Variants in ECE1 observed in about 807,000 individuals in gnomAD.
ECE1 encodes endothelin-converting enzyme 1.
A neutral mutation model predicts 98.6 loss-of-function variants in ECE1; 35 were observed. That is an observed-to-expected ratio of 0.35 (90% CI 0.27 to 0.47). The LOEUF (loss-of-function observed/expected upper bound fraction) is 0.47, where lower values mean the gene tolerates loss of function less well. Among genes scored for constraint, ECE1 ranks in the 20% least tolerant of loss-of-function variants. The probability of loss-of-function intolerance (pLI) is 1.00; values close to 1 mark genes in which losing one functional copy is unlikely to be tolerated. For missense variants in ECE1, 814 were observed against 1,025.3 expected, an observed-to-expected ratio of 0.79 and a Z score of 2.81; for synonymous variants, 394 against 407.1, an observed-to-expected ratio of 0.97 and a Z score of 0.39.
chr1:21,312,150 T>G (rs1338299308), intron 1 of ECE1, among the ~76,000 whole-genome samples: 3 of 147,394 alleles, frequency 2.0e-5, no homozygotes, highest in African/African-American at 7.6e-5. Flanking sequence ...AATTTTTTTT[T>G]TAATTAGTCT....
At position 21,245,017 on chromosome 1, in the gene ECE1, A is replaced by G; in HGVS notation, c.1250T>C (p.Phe417Ser). Residue 417 changes from phenylalanine (F) to serine (S), a missense_variant, in exon 10 of 19, where the codon TTC (phenylalanine) becomes TCC (serine). By Grantham distance (155) the Phe-to-Ser change is radical (BLOSUM62 -2). Transcript: ENST00000374893. The part of the protein sequence containing the change: ...DQRFQDADEK[F>S]MEVMYGTKKT... The stretch of plus-strand genomic sequence containing the variant: ...CTTGGTCCCGTACATGACTTCCATG[A>G]ACTTCTCATCGGCGTCCTGAAAGCG... 1 of 1,614,124 alleles carries G rather than the reference A, an allele frequency of 6.2e-7. No homozygotes were observed. Among genetic ancestry groups the G allele is most frequent in the Non-Finnish European group, 8.5e-7 (1 of 1,180,014 alleles).
chr1:21,344,339 GCAGCCACCATC>G (rs902297855), intron 1 of ECE1, among the ~76,000 whole-genome samples: 3 of 152,188 alleles, frequency 2.0e-5, no homozygotes, highest in African/African-American at 7.2e-5. Flanking sequence ...ACAGGTACTG[GCAGCCACCATC>G]CCAGGCACAT....
chr1:21,344,253 G>T (rs978625177), intron 1 of ECE1, among the ~76,000 whole-genome samples: 1 of 152,164 alleles, frequency 6.6e-6, no homozygotes, highest in African/African-American at 2.4e-5. Context: ...CGGCTTTACA[G>T]GGGGTCCCAT....
Position 21,238,190 on chromosome 1 carries a change from A to T in ECE1, c.1333T>A (p.Phe445Ile). 1 of 1,614,256 alleles carries T rather than the reference A, an allele frequency of 6.2e-7. No individual in the cohort carries two copies. Among genetic ancestry groups the T allele is most frequent in the Non-Finnish European group, 8.5e-7 (1 of 1,180,044 alleles). Residue 445 changes from phenylalanine (F) to isoleucine (I), a missense_variant, in exon 11 of 19, where the codon TTT (phenylalanine) becomes ATT (isoleucine). Physicochemically the swap from Phe to Ile is conservative, Grantham distance 21. Around this residue, in one of 3 missense-constraint regions of ECE1, gnomAD observed 452 missense variants for 567.3 expected, o/e 0.80. Coordinates refer to ENST00000374893, the MANE Select transcript of ECE1 (RefSeq NM_001397.3). ...CVSDTENNLGFALGPMFVKAT... is the reference protein window; with the variant it reads ...CVSDTENNLGIALGPMFVKAT... ...TTGACAAACATGGGGCCCAACGCAA[A>T]GCCCAGGTTGTTTTCTGTGTCACTC... is the stretch of plus-strand genomic sequence containing the variant.
chr1:21,329,709 T>C (rs1639155080), intron 1 of ECE1, among the ~76,000 whole-genome samples: 2 of 152,230 alleles, frequency 1.3e-5, no homozygotes, highest in East Asian at 3.8e-4. Context: ...ACAGGAGAAC[T>C]GAGGGTAGAA....
At position 21,255,999 on chromosome 1, in the gene ECE1, T is replaced by A. The variant is rs750364552; in HGVS notation, c.968A>T (p.Lys323Met). The A allele has an allele frequency of 4.3e-6, 7 of 1,614,108 alleles. No homozygotes were observed. The South Asian group carries it at 7.7e-5, about 18-fold the overall frequency. Reference protein sequence around the residue: ...ALANITIPQEKRRDEELIYHK... With the variant: ...ALANITIPQEMRRDEELIYHK... ...GTAGATGAGCTCCTCATCACGGCGC[T>A]TCTCCTGTGGGATGGTGATGTTGGC... Residue 323 changes from lysine (K) to methionine (M), a missense_variant, in exon 8 of 19, where the codon AAG becomes ATG. Coordinates refer to ENST00000374893, the MANE Select transcript of ECE1 (RefSeq NM_001397.3).
chr1:21,342,130 C>T (rs1188604568), intron 1 of ECE1, among the ~76,000 whole-genome samples: 1 of 152,164 alleles, frequency 6.6e-6, no homozygotes, highest in Non-Finnish European at 1.5e-5. Context: ...CTGTTCTCAA[C>T]TCAACTGCTG....
chr1:21,250,679 C>T (rs1250104246), intron 8 of ECE1, among the ~76,000 whole-genome samples: 1 of 152,184 alleles, frequency 6.6e-6, no homozygotes, highest in Non-Finnish European at 1.5e-5. Context: ...ACTGATGACA[C>T]CCTCTGTGAG....
At chr1:21,298,854 C>T in intron 1 of ECE1, 1 of 456,326 alleles carries the variant, frequency 2.2e-6, no homozygotes, top group South Asian at 1.5e-5. Context: ...CACCTCCCAG[C>T]TGGGTTTAAG....
At chr1:21,314,454 G>C (rs904232689) in intron 1 of ECE1, among the ~76,000 whole-genome samples, 12 of 152,346 alleles carry the variant, frequency 7.9e-5, no homozygotes, top group Middle Eastern at 3.4e-3. Context: ...TAACAATTAG[G>C]AACAACTTTT....
chr1:21,223,287 TTTTA>T lies in ECE1; in HGVS notation c.2041-1449_2041-1446del, dbSNP rs555422237. Among the ~76,000 whole-genome samples, 253 of 149,484 alleles carry T rather than the reference TTTTA, an allele frequency of 1.7e-3. 2 individuals carry two copies. The highest frequency in any genetic ancestry group is 5.9e-3 in the African/African-American group (238 of 40,588). ...GGCACCCAGAGGACTCTTGTTTTATTTTTATTTATTTATTTTTTTGAAACAGAGT... is the reference window on the plus strand; with the variant it reads ...GGCACCCAGAGGACTCTTGTTTTATTTTTATTTATTTTTTTGAAACAGAGT... On this transcript the variant is annotated intron_variant, in intron 17 of 18. Transcript: ENST00000374893.
chr1:21,331,142 C>T (rs762794223), intron 1 of ECE1, among the ~76,000 whole-genome samples: 7 of 152,174 alleles, frequency 4.6e-5, no homozygotes, highest in Non-Finnish European at 1.0e-4. Flanking sequence ...GTGGCTCATG[C>T]CTGTAATCCC....
chr1:21,338,705 A>T (rs1211659590), intron 1 of ECE1, among the ~76,000 whole-genome samples: 4 of 152,260 alleles, frequency 2.6e-5, no homozygotes, highest in African/African-American at 9.6e-5. Context: ...GACAAGGATT[A>T]GTGGCAGAGC....
intron 8 of ECE1, among the ~76,000 whole-genome samples, chr1:21,253,489 G>A (rs1040735563): frequency 7.9e-5 from 12 of 152,158 alleles, no homozygotes; most frequent in South Asian, 2.1e-4. Context: ...CAGGCCGGGC[G>A]CGGTGGCTCA....
Position 21,340,815 on chromosome 1 carries a change from G to A in ECE1, c.3+4561C>T, listed in dbSNP as rs1313813112. On this transcript the variant is annotated intron_variant, in intron 1 of 18. Transcript: ENST00000415912. This position sits in a 1 kb window ranked among gnomAD's most constrained non-coding sequence, Gnocchi z 4.6. ...ACCACTGCACTCAGCCTGGGTGACA[G>A]AGCAAGACTATGTCTCAATAAATAA... Among the ~76,000 whole-genome samples the A allele has an allele frequency of 2.0e-5, 3 of 152,184 alleles. No homozygotes were observed.
intron 1 of ECE1, chr1:21,344,930 GACC>G (rs1241883165): frequency 6.5e-6 from 1 of 153,858 alleles, no homozygotes; most frequent in East Asian, 1.9e-4. Context: ...GCGAGCCCCA[GACC>G]GACCTCAGTG....
rs1485575903 is a variant in ECE1, at chr1:21,220,860, C to A, written c.2137-729G>T. Among the ~76,000 whole-genome samples, 1 of 152,064 alleles carries A rather than the reference C, an allele frequency of 6.6e-6. No individual in the cohort carries two copies. Among genetic ancestry groups the A allele is most frequent in the Non-Finnish European group, 1.5e-5 (1 of 68,006 alleles). ...AAGCCCCCCACCTGATCCTGAGATC[C>A]CGGGGAGTCAGGAGGGTCCCCTGAG... On this transcript the variant is annotated intron_variant, in intron 18 of 18. Transcript: ENST00000374893. The surrounding 1 kb of genome is among the most constrained non-coding windows in gnomAD (Gnocchi z 5.0).
intron 1 of ECE1, among the ~76,000 whole-genome samples, chr1:21,335,657 G>A (rs961480645): frequency 9.9e-5 from 15 of 152,174 alleles, no homozygotes; most frequent in African/African-American, 2.4e-4. Flanking sequence ...CTCTTAGGGC[G>A]GGTACCAAGA....
chr1:21,273,027 A>T, intron 3 of ECE1, 116 bp from the exon 4 acceptor site: 1 of 1,147,700 alleles, frequency 8.7e-7, no homozygotes, highest in Admixed American at 1.9e-5. Context: ...CTGACCACAC[A>T]GATTTGGAAC....
Sources: allele counts gnomAD v4.1 joint callset (sites outside exome capture counted in the v4.1 genomes callset), GRCh38; gene constraint gnomAD v4.1.1; regional missense constraint gnomAD v4.1.1; non-coding constraint Gnocchi (gnomAD v3.1); transcripts MANE v1.5; gene names NCBI Gene and HGNC (gene_info 2026-07-23, HGNC 2026-07-21).